The following CPSF4 variants were observed in gnomAD, a reference collection of about 807,000 sequenced individuals.
CPSF4 encodes the protein cleavage and polyadenylation specific factor 4, also known as cleavage and polyadenylation specificity factor subunit 4.
In CPSF4, 11 loss-of-function variants were observed where a neutral mutation model predicts 37.7. The ratio of observed to expected loss-of-function variants is 0.29; its 90% CI spans 0.18 to 0.48. The LOEUF (loss-of-function observed/expected upper bound fraction) is 0.48. CPSF4 is among the 20% of genes least tolerant of loss of function. CPSF4 has a pLI of 0.99. For missense variants in CPSF4, 144 were observed against 359.5 expected (o/e 0.40, Z 4.85); for synonymous variants, 132 against 135.9 (o/e 0.97, Z 0.20).
rs554674930 is a variant in CPSF4, at chr7:99,447,794, A to C, written c.155-327A>C. ...TTAGAAGAGACAGGATTTCACCGTG[A>C]CAGCCAGGATGGTCTCCGTGCCAGC... On this transcript the variant is annotated intron_variant, in intron 2 of 7. Coordinates refer to ENST00000292476, the MANE Select transcript of CPSF4 (RefSeq NM_006693.4). The C allele has an allele frequency of 1.2e-4, 56 of 460,160 alleles. 1 individual carries two copies. In the East Asian group the frequency reaches 2.8e-3, roughly 23 times the overall value. The allele number at this position is 460,160 out of a possible 1,614,324, so 28.5% of individuals were successfully genotyped here. A position where few individuals can be genotyped will look rare whatever the true frequency, so the allele number is the denominator to read the frequency against.
chr7:99,450,162 C>T (rs1584506942), intron 3 of CPSF4, 114 bp from the exon 4 acceptor site: 2 of 742,598 alleles, frequency 2.7e-6, no homozygotes, highest in East Asian at 2.7e-5. Context: ...TCTTCCCTGG[C>T]TCTCAGGGCT....
chr7:99,454,236 A>ATGTT, intron 7 of CPSF4, 100 bp downstream of exon 7: 6 of 1,144,624 alleles, frequency 5.2e-6, no homozygotes, highest in Non-Finnish European at 7.4e-6. Context: ...AAATGAAAAC[A>ATGTT]TTCATTTTTG....
intron 4 of CPSF4, 133 bp from the exon 5 acceptor site, chr7:99,450,569 A>C: frequency 1.2e-6 from 1 of 821,384 alleles, no homozygotes; most frequent in Non-Finnish European, 2.0e-6. Flanking sequence ...TTTTTTGATA[A>C]GGAGGCCAGT....
chr7:99,441,369 A>C (rs767197624), intron 1 of CPSF4: 4 of 455,950 alleles, frequency 8.8e-6, no homozygotes, highest in Non-Finnish European at 1.8e-5. Flanking sequence ...GGGGAGGTAC[A>C]GTGGCGAGGG....
chr7:99,444,763 CCTCTCCTTTT>C lies in CPSF4; in HGVS notation c.104-16_104-7del, dbSNP rs748741546. 1.9e-6 allele frequency: 3 copies of C among 1,609,418 alleles called. No homozygotes were observed. The East Asian group carries it at 6.7e-5, about 36-fold the overall frequency. ...AATAGCAAATTGCACCTCTTTGATTCCTCTCCTTTTCTCTCCTTTCTACAGAGTCGGGCGC... is the reference window on the plus strand; with the variant it reads ...AATAGCAAATTGCACCTCTTTGATTCCTCTCCTTTCTACAGAGTCGGGCGC... On this transcript the variant is annotated splice_polypyrimidine_tract_variant and intron_variant, in intron 1 of 7. Transcript: ENST00000292476.
chr7:99,444,871 C>G (rs374735353), intron 2 of CPSF4, 32 bp downstream of exon 2: 14 of 1,604,182 alleles, frequency 8.7e-6, no homozygotes, highest in Non-Finnish European at 1.2e-5. Context: ...GATGTGCCTC[C>G]GGAGGCGCCC....
intron 1 of CPSF4, among the ~76,000 whole-genome samples, chr7:99,440,671 TA>T (rs1157522210): frequency 3.7e-5 from 4 of 109,004 alleles, no homozygotes; most frequent in South Asian, 5.6e-4. Context: ...TATATATATA[TA>T]TATTTTTTTT....
Position 99,439,014 on chromosome 7 carries a change from G to A in CPSF4, c.-69G>A, listed in dbSNP as rs1796628008. 6.9e-6 allele frequency: 10 copies of A among 1,451,312 alleles called. No individual in the cohort carries two copies. The highest frequency in any genetic ancestry group is 9.2e-6 in the Non-Finnish European group (10 of 1,090,032). The allele number at this position is 1,451,312 out of a possible 1,614,324, so 89.9% of individuals were successfully genotyped here. A position where few individuals can be genotyped will look rare whatever the true frequency, so the allele number is the denominator to read the frequency against. On this transcript the variant is annotated 5_prime_UTR_variant, in exon 1 of 8. Coordinates refer to ENST00000292476, the MANE Select transcript of CPSF4 (RefSeq NM_006693.4). ...GAGGAGTGTGTGCGGCGGGGCCGGC[G>A]GCGGGTAAAGGCGAGAAGGCTGCAG...
intron 1 of CPSF4, among the ~76,000 whole-genome samples, chr7:99,444,343 G>C (rs539379775): frequency 1.3e-5 from 2 of 152,080 alleles, no homozygotes; most frequent in Admixed American, 1.3e-4. Context: ...TGTAATCCCA[G>C]CTACTTGGGA....
intron 1 of CPSF4, chr7:99,443,595 C>T (rs1797218967): frequency 7.3e-6 from 4 of 545,596 alleles, no homozygotes; most frequent in African/African-American, 1.9e-5. Context: ...AGGCGGATCA[C>T]GAGGTCAGGA....
rs1798346120 is a variant in CPSF4 at position 99,456,763 on chromosome 7, A to G, written c.*263A>G. The G allele has an allele frequency of 1.8e-6, 1 of 545,896 alleles. No homozygotes were observed. Among genetic ancestry groups the G allele is most frequent in the African/African-American group, 1.9e-5 (1 of 52,932 alleles). 33.8% of individuals were successfully genotyped at this position (545,896 alleles called of 1,614,324 possible). A position where few individuals can be genotyped will look rare whatever the true frequency, so the allele number is the denominator to read the frequency against. On this transcript the variant is annotated 3_prime_UTR_variant, in exon 8 of 8. Coordinates refer to ENST00000292476, the MANE Select transcript of CPSF4 (RefSeq NM_006693.4). ...ATGCCTCCTTTCTGGGACTCCCGGC[A>G]CAACTCCCCTCATCCAGGGAGGGAG...
In CPSF4 at chr7:99,440,670, ATATATTTT is replaced by A. The variant is rs1325725348; in HGVS notation, c.103+1487_103+1494del. Reference sequence around the variant, plus strand: ...CTGCACCTGGCATATATATATATATATATATTTTTTTTTTTTTTTTTTTCCTGCCTGTC... The same window carrying A: ...CTGCACCTGGCATATATATATATATATTTTTTTTTTTTTTTCCTGCCTGTC... On this transcript the variant is annotated intron_variant, in intron 1 of 7. Transcript: ENST00000292476. Among the ~76,000 whole-genome samples, 140 of 82,678 alleles carry A rather than the reference ATATATTTT, an allele frequency of 1.7e-3. 4 individuals are homozygous for A. The African/African-American group carries it at 0.017, about 10-fold the overall frequency. The allele number at this position is 82,678 out of a possible 152,430, so 54.2% of individuals were successfully genotyped here.
In CPSF4 at chr7:99,448,348, C is replaced by CA; in HGVS notation, c.307+76dup. On this transcript the variant is annotated intron_variant, in intron 3 of 7. Transcript: ENST00000292476. The surrounding 1 kb of genome is among the most constrained non-coding windows in gnomAD (Gnocchi z 4.4). ...GGGTCCGCTGGCTGCTCAGTGCCCA[C>CA]ACTGTCTCTGCCTGCTTTTCCCATC... is the stretch of plus-strand genomic sequence containing the variant. The CA allele has an allele frequency of 6.7e-7, 1 of 1,482,998 alleles. No homozygotes were observed. The highest frequency in any genetic ancestry group is 9.2e-7 in the Non-Finnish European group (1 of 1,087,464). 91.9% of individuals were successfully genotyped at this position (1,482,998 alleles called of 1,614,324 possible).
chr7:99,450,616 TG>T, intron 4 of CPSF4, 85 bp from the exon 5 acceptor site: 2 of 1,143,514 alleles, frequency 1.7e-6, no homozygotes, highest in Non-Finnish European at 2.6e-6. Context: ...CTCCCATGAA[TG>T]GGGGACAGCC....
intron 2 of CPSF4, chr7:99,447,794 ACAGCCAGGATGGTCTCCGTGC>A (rs1464414319): frequency 8.0e-5 from 37 of 460,026 alleles, no homozygotes; most frequent in East Asian, 4.5e-4. Flanking sequence ...TTTCACCGTG[ACAGCCAGGATGGTCTCCGTGC>A]CAGCCAGGAT....
rs986257697 is a variant in CPSF4, at chr7:99,448,146, C to T, written c.180C>T (p.Ile60=). The T allele has an allele frequency of 5.0e-6, 8 of 1,614,052 alleles. No homozygotes were observed. In the African/African-American group the frequency reaches 6.7e-5, roughly 13 times the overall value. The change falls in exon 3 of 8, where the codon ATC becomes ATT. Residue 60 remains isoleucine (I), a synonymous_variant. Transcript: ENST00000292476. This position sits in a 1 kb window ranked among gnomAD's most constrained non-coding sequence, Gnocchi z 4.4. ...GKGGMCPFRH[I]SGEKTVVCKH... is the part of the protein sequence containing the mutation. ...GGGGCATGTGTCCGTTTCGCCACATCAGTGGTGAGAAGACAGTTGTGTGCA... is the reference window on the plus strand; with the variant it reads ...GGGGCATGTGTCCGTTTCGCCACATTAGTGGTGAGAAGACAGTTGTGTGCA...
At chr7:99,443,755 C>T (rs563678498) in intron 1 of CPSF4, among the ~76,000 whole-genome samples, 1 of 151,920 alleles carries the variant, frequency 6.6e-6, no homozygotes, top group African/African-American at 2.4e-5. Flanking sequence ...CCTATCTCTA[C>T]TAAAAATACA....
At chr7:99,440,251 G>T (rs1796775482) in intron 1 of CPSF4, among the ~76,000 whole-genome samples, 4 of 152,058 alleles carry the variant, frequency 2.6e-5, no homozygotes, top group Non-Finnish European at 4.4e-5. Flanking sequence ...ACTACCAGCG[G>T]GGTCTCCCAC....
chr7:99,454,036 A>C lies in CPSF4; in HGVS notation c.641A>C (p.Asn214Thr). 1 of 1,614,136 alleles carries C rather than the reference A, an allele frequency of 6.2e-7. No individual in the cohort carries two copies. The highest frequency in any genetic ancestry group is 8.5e-7 in the Non-Finnish European group (1 of 1,179,990). ...TTAACGAGTCAGAACTCTTCTCCCA[A>C]TCAGCAGAGAACCCCGCAGGTCATC... ...IQLTSQNSSP[N>T]QQRTPQVIGV... is the part of the protein sequence containing the mutation. The change falls in exon 7 of 8, where the codon AAT (asparagine) becomes ACT (threonine). Residue 214 changes from asparagine (N) to threonine (T), a missense_variant. Coordinates refer to ENST00000292476, the MANE Select transcript of CPSF4 (RefSeq NM_006693.4).
Sources: gnomAD v4.1 joint callset for allele counts (sites outside exome capture counted in the v4.1 genomes callset) on GRCh38, gnomAD v4.1.1 for gene constraint, Gnocchi (gnomAD v3.1) non-coding constraint, MANE v1.5 for transcripts, NCBI Gene and HGNC (gene_info 2026-07-23, HGNC 2026-07-21) for gene names.